The following CC2D1A variants were observed in gnomAD, a reference collection of about 807,000 sequenced individuals.
CC2D1A encodes the protein coiled-coil and C2 domain containing 1A.
Under a neutral mutation model 123.8 loss-of-function variants are expected in CC2D1A, and 68 were observed. The observed-to-expected ratio is 0.55, with a 90% CI of 0.45 to 0.67. The LOEUF is 0.67. Among genes scored for constraint, CC2D1A ranks in the 30% least tolerant of loss-of-function variants. CC2D1A has a pLI of 0.00. For synonymous variants in CC2D1A, 477 were observed against 528.0 expected (o/e 0.90, Z 1.32); for missense variants, 1,185 against 1,290.3 (o/e 0.92, Z 1.25).
chr19:13,908,722 G>C (rs1246039740), intron 1 of CC2D1A, among the ~76,000 whole-genome samples: 1 of 152,190 alleles, frequency 6.6e-6, no homozygotes, highest in Non-Finnish European at 1.5e-5. Flanking sequence ...ACCGCATGCA[G>C]CCATCATGCT....
rs202106696 is a variant in CC2D1A at position 13,918,789 on chromosome 19, G to A, written c.990G>A (p.Pro330=). The part of the protein sequence containing the change: ...PDPPSPPSQP[P]TPATAPSTTE... ...CACCGTCACCACCGTCGCAGCCTCC[G>A]ACCCCCGCTACGGCGCCCTCCACAA... is the stretch of plus-strand genomic sequence containing the variant. The change falls in exon 9 of 29, where the codon CCG becomes CCA. Residue 330 remains proline (P), a synonymous_variant. Transcript: ENST00000318003. The A allele has an allele frequency of 1.6e-4, 265 of 1,613,294 alleles. 2 individuals are homozygous for A. Among genetic ancestry groups the A allele is most frequent in the South Asian group, 9.9e-4 (90 of 90,966 alleles).
Position 13,918,121 on chromosome 19 carries a change from A to G in CC2D1A, c.800A>G (p.Tyr267Cys). 2.5e-6 allele frequency: 4 copies of G among 1,612,226 alleles called. No homozygotes were observed. Among genetic ancestry groups the G allele is most frequent in the Non-Finnish European group, 3.4e-6 (4 of 1,179,766 alleles). ...LAQLQSRQRD[Y>C]KLAALHAKQQ... Reference sequence around the variant, plus strand: ...CAGTTGCAGAGCCGCCAGCGCGACTACAAGCTGGCTGCCCTCCACGCCAAG... The same window carrying G: ...CAGTTGCAGAGCCGCCAGCGCGACTGCAAGCTGGCTGCCCTCCACGCCAAG... Residue 267 changes from tyrosine to cysteine, a missense_variant, in exon 7 of 29, where the codon TAC (tyrosine) becomes TGC (cysteine). Coordinates refer to ENST00000318003, the MANE Select transcript of CC2D1A (RefSeq NM_017721.5).
chr19:13,922,201 T>A (rs1020244343), intron 14 of CC2D1A, among the ~76,000 whole-genome samples: 2 of 152,106 alleles, frequency 1.3e-5, no homozygotes, highest in Admixed American at 6.6e-5. Flanking sequence ...GGGGTTTCAC[T>A]ATGTTGGCCA....
In CC2D1A at chr19:13,923,342, G is replaced by A; in HGVS notation, c.1651G>A (p.Ala551Thr). Residue 551 changes from alanine (A) to threonine (T), a missense_variant, in exon 15 of 29, where the codon GCC becomes ACC. Coordinates refer to ENST00000318003, the MANE Select transcript of CC2D1A (RefSeq NM_017721.5). This position sits in a 1 kb window ranked among gnomAD's most constrained non-coding sequence, Gnocchi z 5.3. The stretch of plus-strand genomic sequence containing the variant: ...GCCTCGTCCTCCCCAGGTGCCGCCT[G>A]CCCCTGTCAACAAGGACGACTTTGC... ...LPVDITKVPP[A>T]PVNKDDFALV... is the part of the protein sequence containing the mutation. 6.2e-7 allele frequency: 1 copy of A among 1,607,784 alleles called. No individual in the cohort carries two copies. Among genetic ancestry groups the A allele is most frequent in the South Asian group, 1.1e-5 (1 of 90,968 alleles).
Position 13,918,731 on chromosome 19 carries a change from CCT to C in CC2D1A, c.947-10_947-9del, listed in dbSNP as rs766421763. 2 of 1,607,690 alleles carry C rather than the reference CCT, an allele frequency of 1.2e-6. No homozygotes were observed. The highest frequency in any genetic ancestry group is 1.1e-5 in the South Asian group (1 of 90,056). ...CTAACAAGCCCCTCATTGGCCTGGA[CCT>C]CTCTGTCCCCAGACCAGCTGCCCCC... On this transcript the variant is annotated splice_polypyrimidine_tract_variant and intron_variant, in intron 8 of 28. Transcript: ENST00000318003.
rs1436209547 is a variant in CC2D1A, at chr19:13,926,660, C to G, written c.2015-7C>G. ...TCTGCCCAGCTCTGACCGTTGTTTG[C>G]CCACAGGACTGTCCCCTGGCGATCT... On this transcript the variant is annotated splice_polypyrimidine_tract_variant and splice_region_variant and intron_variant, in intron 18 of 28. Coordinates refer to ENST00000318003, the MANE Select transcript of CC2D1A (RefSeq NM_017721.5). The G allele has an allele frequency of 1.2e-6, 2 of 1,614,168 alleles. No individual in the cohort carries two copies. Among genetic ancestry groups the G allele is most frequent in the East Asian group, 4.5e-5 (2 of 44,862 alleles).
At chr19:13,927,536 T>G (rs1276525543) in intron 22 of CC2D1A, 1 of 485,658 alleles carries the variant, frequency 2.1e-6, no homozygotes, top group South Asian at 2.3e-5. Flanking sequence ...CCCAGCACTT[T>G]GGGAGGCTGA....
At position 13,926,692 on chromosome 19, in the gene CC2D1A, C is replaced by A; in HGVS notation, c.2040C>A (p.Val680=). 6.2e-7 allele frequency: 1 copy of A among 1,614,150 alleles called. No individual in the cohort carries two copies. The highest frequency in any genetic ancestry group is 2.2e-5 in the East Asian group (1 of 44,866). The change falls in exon 19 of 29, where the codon GTC becomes GTA. Residue 680 remains valine (V), a synonymous_variant. Transcript: ENST00000318003. ...PPGLSPGDLD[V]FVRFDFPYPN... ...GACTGTCCCCTGGCGATCTGGATGT[C>A]TTTGTTCGGTTTGACTTCCCCTATC...
intron 10 of CC2D1A, 21 bp downstream of exon 10, chr19:13,919,063 G>T: frequency 6.2e-7 from 1 of 1,602,936 alleles, no homozygotes; most frequent in East Asian, 2.3e-5. Flanking sequence ...GGTTCCGGGG[G>T]AGGTGGGGCG....
chr19:13,919,212 G>T lies in CC2D1A; in HGVS notation c.1222+10G>T, dbSNP rs541388010. 7.5e-6 allele frequency: 12 copies of T among 1,601,924 alleles called. No individual in the cohort carries two copies. In the African/African-American group the frequency reaches 1.5e-4, roughly 20 times the overall value. ...TTGCCCGTGCCCCCAGGTAGGCCTT[G>T]CCCCTGTAGGCCTCGCCCCAGTAGG... On this transcript the variant is annotated intron_variant, in intron 11 of 28. Coordinates refer to ENST00000318003, the MANE Select transcript of CC2D1A (RefSeq NM_017721.5).
chr19:13,928,589 C>G (rs1368372762), intron 24 of CC2D1A, among the ~76,000 whole-genome samples: 1 of 151,960 alleles, frequency 6.6e-6, no homozygotes, highest in South Asian at 2.1e-4. Context: ...CCCTCCCTGA[C>G]CACTAGGCAT....
At position 13,918,540 on chromosome 19, in the gene CC2D1A, G is replaced by A. The variant is rs530533895; in HGVS notation, c.910G>A (p.Glu304Lys). 45 of 1,613,838 alleles carry A rather than the reference G, an allele frequency of 2.8e-5. No individual in the cohort carries two copies. In the South Asian group the frequency reaches 4.7e-4, roughly 17 times the overall value. The change falls in exon 8 of 29, where the codon GAG becomes AAG. Residue 304 changes from glutamate to lysine, a missense_variant. Transcript: ENST00000318003. ...TGTCTTGGAGGCCCTGAGCCGGGGTGAGCCCGTGGACCTCTCCTGCCTGCC... is the reference window on the plus strand; with the variant it reads ...TGTCTTGGAGGCCCTGAGCCGGGGTAAGCCCGTGGACCTCTCCTGCCTGCC... Reference protein sequence around the residue: ...DAVLEALSRGEPVDLSCLPPP... With the variant: ...DAVLEALSRGKPVDLSCLPPP...
chr19:13,928,200 G>A lies in CC2D1A; in HGVS notation c.2519+12G>A. ...GAGTCAGGGAACAGGTAGGTATCTG[G>A]GCCAGGGCATGCTGGAGAAAACACC... is the stretch of plus-strand genomic sequence containing the variant. On this transcript the variant is annotated intron_variant, in intron 24 of 28. Transcript: ENST00000318003. 3.1e-6 allele frequency: 5 copies of A among 1,611,970 alleles called. No homozygotes were observed. Among genetic ancestry groups the A allele is most frequent in the Non-Finnish European group, 4.2e-6 (5 of 1,179,024 alleles).
chr19:13,907,446 G>A (rs1417670845), intron 1 of CC2D1A, among the ~76,000 whole-genome samples: 2 of 151,960 alleles, frequency 1.3e-5, no homozygotes, highest in South Asian at 2.1e-4. Flanking sequence ...ATGGAAGTCC[G>A]GGGTGGTGTC....
intron 2 of CC2D1A, 112 bp from the exon 3 acceptor site, chr19:13,912,211 A>C (rs946566259): frequency 3.3e-6 from 4 of 1,209,572 alleles, no homozygotes; most frequent in Non-Finnish European, 4.6e-6. Context: ...AATAAGGAAG[A>C]GATGAAATGG....
intron 17 of CC2D1A, among the ~76,000 whole-genome samples, chr19:13,924,085 A>G (rs1487488452): frequency 6.6e-6 from 1 of 152,206 alleles, no homozygotes; most frequent in Non-Finnish European, 1.5e-5. Flanking sequence ...GGGGGACCAG[A>G]GATGAGTCAC....
chr19:13,921,818 T>G (rs1453216278), intron 14 of CC2D1A, among the ~76,000 whole-genome samples: 1 of 152,146 alleles, frequency 6.6e-6, no homozygotes, highest in Non-Finnish European at 1.5e-5. Context: ...GGTGGGAGGA[T>G]TCCTTGAGGC....
At chr19:13,910,568 G>A (rs767037848) in intron 2 of CC2D1A, among the ~76,000 whole-genome samples, 19 of 152,052 alleles carry the variant, frequency 1.2e-4, no homozygotes, top group Non-Finnish European at 2.5e-4. Flanking sequence ...TGTTATAGGA[G>A]TTAATCTGGA....
intron 17 of CC2D1A, among the ~76,000 whole-genome samples, chr19:13,926,035 T>TAC (rs1193868917): frequency 1.1e-4 from 10 of 90,362 alleles, no homozygotes; most frequent in Admixed American, 4.6e-4. Context: ...TGTGTATATA[T>TAC]ATATATATAC....
Sources: allele counts gnomAD v4.1 joint callset (sites outside exome capture counted in the v4.1 genomes callset), GRCh38; gene constraint gnomAD v4.1.1; non-coding constraint Gnocchi (gnomAD v3.1); transcripts MANE v1.5; gene names NCBI Gene and HGNC (gene_info 2026-07-23, HGNC 2026-07-21).